The following NELFB variants were observed in gnomAD, a reference collection of about 807,000 sequenced individuals.
NELFB encodes the protein negative elongation factor complex member B, also known as negative elongation factor B.
A neutral mutation model predicts 60.2 loss-of-function variants in NELFB; 34 were observed. The ratio of observed to expected loss-of-function variants is 0.56; its 90% CI spans 0.43 to 0.75. NELFB has a LOEUF of 0.75. Ranked by LOEUF, NELFB falls within the 30% of genes least tolerant of loss-of-function variation. The pLI is 0.00. For synonymous variants in NELFB, 459 were observed against 382.1 expected (o/e 1.20, Z -2.35); for missense variants, 770 against 831.6 (o/e 0.93, Z 0.91).
At chr9:137,260,166 C>T (rs573801600) in intron 4 of NELFB, among the ~76,000 whole-genome samples, 4 of 151,424 alleles carry the variant, frequency 2.6e-5, no homozygotes, top group Non-Finnish European at 4.4e-5. Context: ...TCTCCTGCCT[C>T]AGCCTCCCGA....
At chr9:137,266,296 G>A in intron 7 of NELFB, 35 bp from the exon 8 acceptor site, 2 of 1,579,710 alleles carry the variant, frequency 1.3e-6, no homozygotes, top group Non-Finnish European at 1.7e-6. Flanking sequence ...GGACACAGCT[G>A]CCTGGGAGAG....
At chr9:137,262,034 C>T (rs1830454807) in intron 4 of NELFB, among the ~76,000 whole-genome samples, 1 of 152,070 alleles carries the variant, frequency 6.6e-6, no homozygotes, top group South Asian at 2.1e-4. Context: ...TTCTGCGTAT[C>T]AGAGACTTTT....
rs1291020412 is a variant in NELFB at position 137,273,283 on chromosome 9, C to T, written c.*355C>T. On this transcript the variant is annotated 3_prime_UTR_variant, in exon 13 of 13. Coordinates refer to ENST00000343053, the MANE Select transcript of NELFB (RefSeq NM_015456.5). The stretch of plus-strand genomic sequence containing the variant: ...CTTCATTGGCCCAGCTTGGCGAAAG[C>T]GAGGCACACTGCTTACTGCCTTGGG... The T allele has an allele frequency of 1.3e-5, 3 of 229,498 alleles. No homozygotes were observed. The highest frequency in any genetic ancestry group is 1.0e-4 in the South Asian group (1 of 9,796). The allele number at this position is 229,498 out of a possible 1,614,324, so 14.2% of individuals were successfully genotyped here. A position where few individuals can be genotyped will look rare whatever the true frequency, so the allele number is the denominator to read the frequency against.
chr9:137,261,253 T>A (rs565739885), intron 4 of NELFB, among the ~76,000 whole-genome samples: 2 of 148,232 alleles, frequency 1.3e-5, no homozygotes, highest in African/African-American at 5.0e-5. Context: ...GGCAGGAGAA[T>A]GGTGTGAACC....
chr9:137,262,544 C>G (rs944734915), intron 4 of NELFB, among the ~76,000 whole-genome samples: 1 of 152,230 alleles, frequency 6.6e-6, no homozygotes, highest in African/African-American at 2.4e-5. Flanking sequence ...AGAGTAATTG[C>G]TACAAGCTAA....
chr9:137,257,270 G>A (rs1365947114), intron 4 of NELFB, among the ~76,000 whole-genome samples: 2 of 152,232 alleles, frequency 1.3e-5, no homozygotes, highest in African/African-American at 4.8e-5. Flanking sequence ...AGTGATATAT[G>A]GACAACATTT....
At chr9:137,262,228 G>T (rs898588220) in intron 4 of NELFB, among the ~76,000 whole-genome samples, 1 of 152,170 alleles carries the variant, frequency 6.6e-6, no homozygotes, top group Non-Finnish European at 1.5e-5. Context: ...GAGGAGCAGA[G>T]TTTTCTCTAA....
intron 6 of NELFB, among the ~76,000 whole-genome samples, chr9:137,265,411 C>CA (rs1211865549): frequency 2.2e-4 from 3 of 13,672 alleles, no homozygotes; most frequent in African/African-American, 4.5e-4. Context: ...TTTTTTGAGA[C>CA]AGAGTCTCGC....
Position 137,264,363 on chromosome 9 carries a change from G to A in NELFB, c.1040+6G>A. Reference sequence around the variant, plus strand: ...GGCCAGGAGCAGGTGCTGGGGTGAGGGTCGGCTCCACGAGGCCTCTGCCCC... The same window carrying A: ...GGCCAGGAGCAGGTGCTGGGGTGAGAGTCGGCTCCACGAGGCCTCTGCCCC... On this transcript the variant is annotated splice_donor_region_variant and intron_variant, in intron 6 of 12. Coordinates refer to ENST00000343053, the MANE Select transcript of NELFB (RefSeq NM_015456.5). The A allele has an allele frequency of 6.4e-7, 1 of 1,573,994 alleles. No individual in the cohort carries two copies. Among genetic ancestry groups the A allele is most frequent in the East Asian group, 2.3e-5 (1 of 43,452 alleles).
Position 137,273,002 on chromosome 9 carries a change from AC to A in NELFB, c.*76del. Reference sequence around the variant, plus strand: ...CTGCTCAGCCGGAAGAGGCTCCCGGACCTGGATGTACAGGGCAGTCTCTCTT... The same window carrying A: ...CTGCTCAGCCGGAAGAGGCTCCCGGACTGGATGTACAGGGCAGTCTCTCTT... On this transcript the variant is annotated 3_prime_UTR_variant, in exon 13 of 13. Transcript: ENST00000343053. 7.1e-7 allele frequency: 1 copy of A among 1,411,372 alleles called. No homozygotes were observed. The highest frequency in any genetic ancestry group is 9.4e-7 in the Non-Finnish European group (1 of 1,065,348). The allele number at this position is 1,411,372 out of a possible 1,614,324, so 87.4% of individuals were successfully genotyped here.
intron 6 of NELFB, among the ~76,000 whole-genome samples, chr9:137,265,164 C>T (rs565726659): frequency 6.6e-6 from 1 of 150,814 alleles, no homozygotes; most frequent in East Asian, 2.0e-4. Context: ...GGATTACAGG[C>T]ACACACCAGT....
chr9:137,264,126 C>T (rs1394194754), intron 5 of NELFB, 119 bp from the exon 6 acceptor site: 10 of 714,050 alleles, frequency 1.4e-5, no homozygotes, highest in Middle Eastern at 2.4e-4. Flanking sequence ...TGCCTGCTGC[C>T]GCCCCCCGCA....
chr9:137,256,872 C>T lies in NELFB; in HGVS notation c.559C>T (p.Arg187Ter), dbSNP rs1181370855. The change falls in exon 4 of 13, where the codon CGA becomes TGA. Residue 187 changes from arginine to a stop codon, truncating the protein, a stop_gained. Coordinates refer to ENST00000343053, the MANE Select transcript of NELFB (RefSeq NM_015456.5). LOFTEE classifies it high-confidence loss of function. ...GGTTATGGCTGACAAGGAGCTGTAT[C>T]GAGCCTGCGCCGTGGAGGTGAAGCG... is the stretch of plus-strand genomic sequence containing the variant. The T allele has an allele frequency of 1.2e-6, 2 of 1,614,184 alleles. No individual in the cohort carries two copies. The highest frequency in any genetic ancestry group is 1.7e-6 in the Non-Finnish European group (2 of 1,180,036).
chr9:137,272,667 T>C, intron 12 of NELFB, 52 bp downstream of exon 12: 1 of 1,540,680 alleles, frequency 6.5e-7, no homozygotes, highest in Admixed American at 2.0e-5. Context: ...TACCAGCCCG[T>C]GTGTGCTTGC....
rs1352082755 is a variant in NELFB at position 137,267,663 on chromosome 9, T to G, written c.1489+317T>G. On this transcript the variant is annotated intron_variant, in intron 10 of 12. Transcript: ENST00000343053. ...CGCGTGCCACCGTGCCAGGCTAATT[T>G]TTGTATTTTTAGTAGAGACGGGGTT... Among the ~76,000 whole-genome samples the G allele has an allele frequency of 3.9e-5, 6 of 151,936 alleles. No homozygotes were observed. In the East Asian group the frequency reaches 9.6e-4, roughly 24 times the overall value.
intron 2 of NELFB, 101 bp from the exon 3 acceptor site, chr9:137,256,228 C>CTTT: frequency 7.3e-7 from 1 of 1,362,356 alleles, no homozygotes; most frequent in East Asian, 2.3e-5. Flanking sequence ...GTGTCCTGGG[C>CTTT]GTGGAGGCTT....
rs1412859372 is a variant in NELFB, at chr9:137,264,470, C to T, written c.1040+113C>T. 10 of 787,434 alleles carry T rather than the reference C, an allele frequency of 1.3e-5. No individual in the cohort carries two copies. The Admixed American group carries it at 2.3e-4, about 18-fold the overall frequency. 48.8% of individuals were successfully genotyped at this position (787,434 alleles called of 1,614,324 possible). On this transcript the variant is annotated intron_variant, in intron 6 of 12. Transcript: ENST00000343053. ...CGTTTATTCCCGGATATTGCTTTTT[C>T]TTTTGTTTTTTTCGAGACAGAGTCT...
At chr9:137,258,118 G>GTT (rs56338605) in intron 4 of NELFB, among the ~76,000 whole-genome samples, 34 of 84,452 alleles carry the variant, frequency 4.0e-4, no homozygotes, top group African/African-American at 9.1e-4. Flanking sequence ...ATTTGTTGGG[G>GTT]TTTTTTTTTT....
chr9:137,257,538 T>C (rs1837575707), intron 4 of NELFB, among the ~76,000 whole-genome samples: 1 of 150,814 alleles, frequency 6.6e-6, no homozygotes, highest in African/African-American at 2.4e-5. Context: ...GTTTCGCTAT[T>C]GTTGCCCAGG....
Sources: allele counts gnomAD v4.1 joint callset (sites outside exome capture counted in the v4.1 genomes callset), GRCh38; gene constraint gnomAD v4.1.1; transcripts MANE v1.5; gene names NCBI Gene and HGNC (gene_info 2026-07-23, HGNC 2026-07-21).